ARID4B: variants seen among roughly 807,000 people sequenced by gnomAD.
ARID4B encodes the protein AT-rich interactive domain-containing protein 4B.
A neutral mutation model predicts 147.5 loss-of-function variants in ARID4B; 26 were observed. That is an observed-to-expected ratio of 0.18 (90% CI 0.13 to 0.24). ARID4B has a LOEUF of 0.24. Ranked by LOEUF, ARID4B falls within the 10% of genes least tolerant of loss-of-function variation. The probability of loss-of-function intolerance (pLI) is 1.00; values close to 1 mark genes in which losing one functional copy is unlikely to be tolerated. For missense variants in ARID4B, 1,179 were observed against 1,511.5 expected (o/e 0.78, Z 3.65); for synonymous variants, 512 against 507.9 (o/e 1.01, Z -0.11).
rs139208138 is a variant in ARID4B, at chr1:235,182,562, A to G, written c.2357T>C (p.Ile786Thr). The change falls in exon 20 of 24, where the codon ATA becomes ACA. Residue 786 changes from isoleucine to threonine, a missense_variant. Ile to Thr is a moderately conservative substitution (Grantham distance 89, BLOSUM62 -1). Around this residue, in one of 10 missense-constraint regions of ARID4B, gnomAD observed 321 missense variants for 342.4 expected, o/e 0.94. Coordinates refer to ENST00000264183, the MANE Select transcript of ARID4B (RefSeq NM_016374.6). ...ATCAGTATCTTCGGATAATACTTCTATATCTTTCCTTAATCTTTCTGGAGA... is the reference window on the plus strand; with the variant it reads ...ATCAGTATCTTCGGATAATACTTCTGTATCTTTCCTTAATCTTTCTGGAGA... The part of the protein sequence containing the change: ...SKSPERLRKD[I>T]EVLSEDTDYE... 196 of 1,612,216 alleles carry G rather than the reference A, an allele frequency of 1.2e-4. No homozygotes were observed. The highest frequency in any genetic ancestry group is 3.3e-4 in the Middle Eastern group (2 of 6,080).
Position 235,182,453 on chromosome 1 carries a change from A to G in ARID4B, c.2466T>C (p.Arg822=). The G allele has an allele frequency of 6.2e-7, 1 of 1,611,264 alleles. No individual in the cohort carries two copies. The highest frequency in any genetic ancestry group is 8.5e-7 in the Non-Finnish European group (1 of 1,179,410). The change falls in exon 20 of 24, where the codon CGT becomes CGC. Residue 822 remains arginine (R), a synonymous_variant. Transcript: ENST00000264183. ...CTGTATTGCAATACCTTCTTTTACC[A>G]CGTTTTATTTGTGGTTTTGAAGATT... is the stretch of plus-strand genomic sequence containing the variant. The part of the protein sequence containing the change: ...TDKSSKPQIK[R]GKRRYCNTEE...
intron 6 of ARID4B, among the ~76,000 whole-genome samples, chr1:235,248,433 C>A (rs1228788195): frequency 1.3e-5 from 2 of 152,094 alleles, no homozygotes; most frequent in East Asian, 3.9e-4. Flanking sequence ...AATACTGTAT[C>A]ACTATAGAGT....
chr1:235,261,614 C>T (rs917607454), intron 2 of ARID4B, among the ~76,000 whole-genome samples: 4 of 152,122 alleles, frequency 2.6e-5, no homozygotes, highest in African/African-American at 9.7e-5. Context: ...TGAAGAAAGT[C>T]ATCTGGAAAG....
chr1:235,293,838 G>A (rs934219326), intron 2 of ARID4B, among the ~76,000 whole-genome samples: 1 of 152,056 alleles, frequency 6.6e-6, no homozygotes, highest in Non-Finnish European at 1.5e-5. Flanking sequence ...CAGACTTTTA[G>A]GAAAAGATTC....
chr1:235,199,749 C>A (rs1665758376), intron 17 of ARID4B, among the ~76,000 whole-genome samples: 1 of 152,068 alleles, frequency 6.6e-6, no homozygotes, highest in Admixed American at 6.5e-5. Flanking sequence ...AATGTCCTTA[C>A]CAAATACAAG....
At position 235,177,887 on chromosome 1, in the gene ARID4B, C is replaced by G. The variant is rs780177824; in HGVS notation, c.3361G>C (p.Asp1121His). 7 of 1,610,692 alleles carry G rather than the reference C, an allele frequency of 4.3e-6. No homozygotes were observed. Among genetic ancestry groups the G allele is most frequent in the South Asian group, 2.2e-5 (2 of 90,668 alleles). Residue 1121 changes from aspartate to histidine, a missense_variant, in exon 21 of 24, where the codon GAT (aspartate) becomes CAT (histidine). Coordinates refer to ENST00000264183, the MANE Select transcript of ARID4B (RefSeq NM_016374.6). Reference protein sequence around the residue: ...KACTGQKRVKDAQGGGSSSKK... With the variant: ...KACTGQKRVKHAQGGGSSSKK... ...GATGAACTTCCTCCTCCCTGAGCATCTTTCACTCTTTTCTGACCTGTACAG... is the reference window on the plus strand; with the variant it reads ...GATGAACTTCCTCCTCCCTGAGCATGTTTCACTCTTTTCTGACCTGTACAG...
intron 5 of ARID4B, among the ~76,000 whole-genome samples, chr1:235,253,732 C>T (rs935995344): frequency 2.0e-5 from 3 of 152,112 alleles, no homozygotes; most frequent in African/African-American, 4.8e-5. Context: ...CTGTGATATA[C>T]ATAAATAATT....
chr1:235,190,079 GAT>G (rs1664988056), intron 19 of ARID4B: 1 of 154,352 alleles, frequency 6.5e-6, no homozygotes, highest in Non-Finnish European at 1.5e-5. Flanking sequence ...GTGTACTGTG[GAT>G]ATATCTGTTC....
chr1:235,245,460 G>A (rs371327523), intron 7 of ARID4B, among the ~76,000 whole-genome samples: 4 of 151,358 alleles, frequency 2.6e-5, no homozygotes, highest in East Asian at 1.9e-4. Context: ...GTATAAAATC[G>A]TAAAAATATG....
intron 19 of ARID4B, among the ~76,000 whole-genome samples, chr1:235,184,875 G>T (rs529284901): frequency 6.6e-6 from 1 of 152,258 alleles, no homozygotes; most frequent in Admixed American, 6.5e-5. Context: ...GGAGTACAGT[G>T]GTGTGATCTC....
intron 2 of ARID4B, among the ~76,000 whole-genome samples, chr1:235,297,170 C>T (rs1415052316): frequency 6.6e-6 from 1 of 152,076 alleles, no homozygotes; most frequent in East Asian, 1.9e-4. Flanking sequence ...TTCAAAAGAA[C>T]ACAGGAACCC....
At chr1:235,208,238 T>A (rs1010423830) in intron 17 of ARID4B, among the ~76,000 whole-genome samples, 2 of 152,248 alleles carry the variant, frequency 1.3e-5, no homozygotes, top group Non-Finnish European at 2.9e-5. Flanking sequence ...TCAACTAGTT[T>A]ACGGCATGTT....
intron 2 of ARID4B, among the ~76,000 whole-genome samples, chr1:235,306,045 A>G (rs1673534571): frequency 6.6e-6 from 1 of 152,260 alleles, no homozygotes; most frequent in South Asian, 2.1e-4. Context: ...TTATCATATG[A>G]TAATAACAAA....
At chr1:235,208,476 C>A (rs943299831) in intron 17 of ARID4B, among the ~76,000 whole-genome samples, 20 of 151,998 alleles carry the variant, frequency 1.3e-4, no homozygotes, top group Non-Finnish European at 2.1e-4. Flanking sequence ...AGAGAACACA[C>A]TATAATATTA....
At chr1:235,236,390 A>C (rs1668555648) in intron 8 of ARID4B, among the ~76,000 whole-genome samples, 1 of 152,160 alleles carries the variant, frequency 6.6e-6, no homozygotes, top group South Asian at 2.1e-4. Flanking sequence ...TTCGTCAAAG[A>C]AACTTTTTAG....
chr1:235,230,941 C>T (rs1668185361), intron 10 of ARID4B, among the ~76,000 whole-genome samples, 172 bp downstream of exon 10: 1 of 150,490 alleles, frequency 6.6e-6, no homozygotes, highest in Non-Finnish European at 1.5e-5. Flanking sequence ...GAAAAGGAAA[C>T]TTATAACACA....
intron 17 of ARID4B, among the ~76,000 whole-genome samples, chr1:235,202,050 C>A (rs949363524): frequency 6.7e-6 from 1 of 149,954 alleles, no homozygotes; most frequent in Non-Finnish European, 1.5e-5. Flanking sequence ...CATATATATA[C>A]AATCCAGGAT....
chr1:235,227,622 T>C (rs1441162737), intron 11 of ARID4B, among the ~76,000 whole-genome samples: 2 of 152,102 alleles, frequency 1.3e-5, no homozygotes, highest in Non-Finnish European at 2.9e-5. Flanking sequence ...CTCATTAACT[T>C]TTACGAGGCT....
intron 2 of ARID4B, among the ~76,000 whole-genome samples, chr1:235,321,155 A>G (rs1334443314): frequency 1.3e-5 from 2 of 152,246 alleles, no homozygotes; most frequent in Non-Finnish European, 2.9e-5. Flanking sequence ...AACATTCTTC[A>G]GTGACATAGG....
Sources: allele counts gnomAD v4.1 joint callset (sites outside exome capture counted in the v4.1 genomes callset), GRCh38; gene constraint gnomAD v4.1.1; regional missense constraint gnomAD v4.1.1; transcripts MANE v1.5; gene names NCBI Gene and HGNC (gene_info 2026-07-23, HGNC 2026-07-21).